FASTKD3: variants seen among roughly 807,000 people sequenced by gnomAD.
FASTKD3 encodes FAST kinase domain-containing protein 3, mitochondrial.
A neutral mutation model predicts 49.7 loss-of-function variants in FASTKD3; 47 were observed. The ratio of observed to expected loss-of-function variants is 0.95; its 90% CI spans 0.75 to 1.21. FASTKD3 has a LOEUF of 1.21. FASTKD3 is among the 50% of genes most tolerant of loss of function. The probability of loss-of-function intolerance (pLI) is 0.00; values close to 1 mark genes in which losing one functional copy is unlikely to be tolerated. For synonymous variants in FASTKD3, 284 were observed against 288.6 expected (o/e 0.98, Z 0.16); for missense variants, 748 against 765.7 (o/e 0.98, Z 0.27).
rs911763614 is a variant in FASTKD3, at chr5:7,862,982, G to A, written c.1540C>T (p.Pro514Ser). ...AGAAATGACTTCACTTGATATTTAG[G>A]AAGGAGTTTTGGACCCTAAAAAATC... ...CPFYKGPKLL[P>S]KYQVKSFLTP... Residue 514 changes from proline to serine, a missense_variant, in exon 4 of 7, where the codon CCT becomes TCT. By Grantham distance (74) the Pro-to-Ser change is moderately conservative. Around this residue, in one of 3 missense-constraint regions of FASTKD3, gnomAD observed 178 missense variants for 182.2 expected, o/e 0.98. Transcript: ENST00000264669. 1 of 1,613,714 alleles carries A rather than the reference G, an allele frequency of 6.2e-7. No individual in the cohort carries two copies. The highest frequency in any genetic ancestry group is 1.7e-5 in the Admixed American group (1 of 59,950).
At position 7,868,138 on chromosome 5, in the gene FASTKD3, A is replaced by G. The variant is rs1441675136; in HGVS notation, c.-55T>C. ...TTAAAAAATTTAAAAACACATGGTT[A>G]AATACATTGAGAACATGATTGACCC... On this transcript the variant is annotated 5_prime_UTR_variant, in exon 2 of 7. It removes the in-frame stop codon of an upstream open reading frame in the 5' UTR. Transcript: ENST00000264669. The G allele has an allele frequency of 1.8e-5, 21 of 1,184,054 alleles. No individual in the cohort carries two copies. Among genetic ancestry groups the G allele is most frequent in the Non-Finnish European group, 2.5e-5 (21 of 842,570 alleles). 73.3% of individuals were successfully genotyped at this position (1,184,054 alleles called of 1,614,324 possible).
chr5:7,859,616 G>A (rs7727993), intron 6 of FASTKD3, 77 bp from the exon 7 acceptor site: 1 of 914,510 alleles, frequency 1.1e-6, no homozygotes, highest in Admixed American at 2.5e-5. Flanking sequence ...TACTTTGTTT[G>A]TTTCTTACAC....
Position 7,867,324 on chromosome 5 carries a change from C to T in FASTKD3, c.760G>A (p.Glu254Lys), listed in dbSNP as rs140630948. The change falls in exon 2 of 7, where the codon GAG becomes AAG. Residue 254 changes from glutamate (E) to lysine (K), a missense_variant. By Grantham distance (56) the Glu-to-Lys change is moderately conservative. Coordinates refer to ENST00000264669, the MANE Select transcript of FASTKD3 (RefSeq NM_024091.4). ...QGEKLETFTP[E>K]DIVALYRILQ... Reference sequence around the variant, plus strand: ...ATTCTATAAAGGGCCACAATATCCTCCGGGGTAAATGTTTCCAATTTTTCA... The same window carrying T: ...ATTCTATAAAGGGCCACAATATCCTTCGGGGTAAATGTTTCCAATTTTTCA... The T allele has an allele frequency of 2.5e-6, 4 of 1,613,858 alleles. No homozygotes were observed. The African/African-American group carries it at 5.3e-5, about 22-fold the overall frequency.
chr5:7,866,715 G>T lies in FASTKD3; in HGVS notation c.1369C>A (p.Leu457Ile), dbSNP rs768189241. 6.2e-7 allele frequency: 1 copy of T among 1,612,844 alleles called. No homozygotes were observed. The highest frequency in any genetic ancestry group is 8.5e-7 in the Non-Finnish European group (1 of 1,179,622). ...AAGTTGACTGGATGGCATTCATTAA[G>T]TGAACATGAATGAAGAAGTTTCAAT... ...SLLKLLHSCS[L>I]NECHPVNFLA... Residue 457 changes from leucine to isoleucine, a missense_variant, in exon 2 of 7, where the codon CTT (leucine) becomes ATT (isoleucine). By Grantham distance (5) the Leu-to-Ile change is conservative (BLOSUM62 2). Coordinates refer to ENST00000264669, the MANE Select transcript of FASTKD3 (RefSeq NM_024091.4).
rs1166602548 is a variant in FASTKD3, at chr5:7,867,077, C to A, written c.1007G>T (p.Arg336Ile). The change falls in exon 2 of 7, where the codon AGA (arginine) becomes ATA (isoleucine). Residue 336 changes from arginine to isoleucine, a missense_variant. By Grantham distance (97) the Arg-to-Ile change is moderately conservative. Transcript: ENST00000264669. ...AAAATATATGAACGCCTCCAAGACT[C>A]TCCTAAGCTCCTCGTTAGTGAAATG... ...VPHFTNEELRRVLEAFIYFGH... is the reference protein window; with the variant it reads ...VPHFTNEELRIVLEAFIYFGH... 1 of 1,614,210 alleles carries A rather than the reference C, an allele frequency of 6.2e-7. No homozygotes were observed. Among genetic ancestry groups the A allele is most frequent in the South Asian group, 1.1e-5 (1 of 91,074 alleles).
At position 7,868,133 on chromosome 5, in the gene FASTKD3, T is replaced by G. The variant is rs374356086; in HGVS notation, c.-50A>C. 7 of 1,259,098 alleles carry G rather than the reference T, an allele frequency of 5.6e-6. No homozygotes were observed. The South Asian group carries it at 1.0e-4, about 18-fold the overall frequency. 78.0% of individuals were successfully genotyped at this position (1,259,098 alleles called of 1,614,324 possible). ...CTAAATTAAAAAATTTAAAAACACA[T>G]GGTTAAATACATTGAGAACATGATT... On this transcript the variant is annotated 5_prime_UTR_variant, in exon 2 of 7. An upstream start codon of the reference 5' UTR is lost. Coordinates refer to ENST00000264669, the MANE Select transcript of FASTKD3 (RefSeq NM_024091.4).
intron 1 of FASTKD3, 69 bp downstream of exon 1, chr5:7,868,910 G>T: frequency 1.6e-6 from 1 of 616,788 alleles, no homozygotes; most frequent in Non-Finnish European, 2.9e-6. Flanking sequence ...CGCAGCCTGA[G>T]GAGAAAGCCG....
In FASTKD3 at chr5:7,867,963, G is replaced by A. The variant is rs774620297; in HGVS notation, c.121C>T (p.Leu41=). The A allele has an allele frequency of 7.4e-6, 12 of 1,613,984 alleles. No homozygotes were observed. The Admixed American group carries it at 1.0e-4, about 13-fold the overall frequency. The change falls in exon 2 of 7, where the codon CTG becomes TTG. Residue 41 remains leucine (L), a synonymous_variant. Coordinates refer to ENST00000264669, the MANE Select transcript of FASTKD3 (RefSeq NM_024091.4). ...NHVHKVVKER[L]CPWLCSRQPE... ...TGTCGTGAACACAACCAAGGGCACA[G>A]ACGCTCCTTGACTACCTTGTGAACA...
chr5:7,863,193 A>T, intron 3 of FASTKD3, 196 bp from the exon 4 acceptor site: 1 of 571,024 alleles, frequency 1.8e-6, no homozygotes. Flanking sequence ...CTAATAGTTC[A>T]AAATGTCTTT....
chr5:7,860,590 G>A (rs1212078034), intron 6 of FASTKD3, among the ~76,000 whole-genome samples: 4 of 152,138 alleles, frequency 2.6e-5, no homozygotes, highest in Non-Finnish European at 4.4e-5. Flanking sequence ...GATTTAAGCC[G>A]AATTAACAAC....
intron 2 of FASTKD3, among the ~76,000 whole-genome samples, chr5:7,866,393 A>G (rs1375648548): frequency 6.6e-6 from 1 of 152,014 alleles, no homozygotes; most frequent in Non-Finnish European, 1.5e-5. Context: ...TGCCATTACC[A>G]TATCTCCTAA....
At chr5:7,866,224 G>A (rs898502678) in intron 2 of FASTKD3, among the ~76,000 whole-genome samples, 3 of 151,464 alleles carry the variant, frequency 2.0e-5, no homozygotes, top group Non-Finnish European at 1.5e-5. Context: ...TATGTTCACA[G>A]AATTAGTGGA....
intron 4 of FASTKD3, among the ~76,000 whole-genome samples, chr5:7,862,586 C>T (rs1214235788): frequency 6.6e-6 from 1 of 151,868 alleles, no homozygotes; most frequent in African/African-American, 2.4e-5. Context: ...AAGAAGCAAG[C>T]AGAAAAAGGT....
At chr5:7,866,302 T>C (rs1045300507) in intron 2 of FASTKD3, among the ~76,000 whole-genome samples, 2 of 121,576 alleles carry the variant, frequency 1.6e-5, no homozygotes, top group Admixed American at 9.7e-5. Flanking sequence ...AGATGAATAA[T>C]ACCATCCTCT....
In FASTKD3 at chr5:7,868,149, G is replaced by A. The variant is rs1579566875; in HGVS notation, c.-66C>T. Reference sequence around the variant, plus strand: ...AAAAACACATGGTTAAATACATTGAGAACATGATTGACCCAACATCAATGT... The same window carrying A: ...AAAAACACATGGTTAAATACATTGAAAACATGATTGACCCAACATCAATGT... On this transcript the variant is annotated 5_prime_UTR_variant, in exon 2 of 7. Coordinates refer to ENST00000264669, the MANE Select transcript of FASTKD3 (RefSeq NM_024091.4). The A allele has an allele frequency of 4.2e-6, 3 of 721,336 alleles. No homozygotes were observed. The highest frequency in any genetic ancestry group is 8.4e-5 in the East Asian group (2 of 23,738). 44.7% of individuals were successfully genotyped at this position (721,336 alleles called of 1,614,324 possible).
At position 7,859,273 on chromosome 5, in the gene FASTKD3, C is replaced by A; in HGVS notation, c.*162G>T. ...AATTAAAATTAATTTTAAATTTTACCACAATAAATGTATACATAGTATAAG... is the reference window on the plus strand; with the variant it reads ...AATTAAAATTAATTTTAAATTTTACAACAATAAATGTATACATAGTATAAG... On this transcript the variant is annotated 3_prime_UTR_variant, in exon 7 of 7. Transcript: ENST00000264669. The A allele has an allele frequency of 2.5e-6, 1 of 397,380 alleles. No homozygotes were observed. Among genetic ancestry groups the A allele is most frequent in the Non-Finnish European group, 4.5e-6 (1 of 224,090 alleles). The allele number at this position is 397,380 out of a possible 1,614,324, so 24.6% of individuals were successfully genotyped here. A position where few individuals can be genotyped will look rare whatever the true frequency, so the allele number is the denominator to read the frequency against.
At position 7,865,978 on chromosome 5, in the gene FASTKD3, C is replaced by G. The variant is rs1176348910; in HGVS notation, c.1444G>C (p.Glu482Gln). The stretch of plus-strand genomic sequence containing the variant: ...CGACTCAATGTGTCCAAATGAGATT[C>G]TTTACCTGAAACAGAAAGCATCCCA... ...PLFLQRLQGK[E>Q]SHLDTLSRAQ... is the part of the protein sequence containing the mutation. Residue 482 changes from glutamate (E) to glutamine (Q), a missense_variant, in exon 3 of 7, where the codon GAA becomes CAA. Physicochemically the swap from Glu to Gln is conservative, Grantham distance 29. This residue lies in a region of FASTKD3 where 564 missense variants were observed against 562.8 expected (regional missense o/e 1.00). Coordinates refer to ENST00000264669, the MANE Select transcript of FASTKD3 (RefSeq NM_024091.4). The G allele has an allele frequency of 4.3e-6, 7 of 1,613,608 alleles. No homozygotes were observed. The East Asian group carries it at 1.6e-4, about 36-fold the overall frequency.
At position 7,868,124 on chromosome 5, in the gene FASTKD3, A is replaced by T; in HGVS notation, c.-41T>A. 1 of 1,378,322 alleles carries T rather than the reference A, an allele frequency of 7.3e-7. No homozygotes were observed. Among genetic ancestry groups the T allele is most frequent in the South Asian group, 1.4e-5 (1 of 73,754 alleles). The allele number at this position is 1,378,322 out of a possible 1,614,324, so 85.4% of individuals were successfully genotyped here. On this transcript the variant is annotated 5_prime_UTR_variant, in exon 2 of 7. It removes the in-frame stop codon of an upstream open reading frame in the 5' UTR. Coordinates refer to ENST00000264669, the MANE Select transcript of FASTKD3 (RefSeq NM_024091.4). The stretch of plus-strand genomic sequence containing the variant: ...ATTTGATAACTAAATTAAAAAATTT[A>T]AAAACACATGGTTAAATACATTGAG...
Position 7,866,939 on chromosome 5 carries a change from A to G in FASTKD3, c.1145T>C (p.Leu382Pro), listed in dbSNP as rs1471112256. The G allele has an allele frequency of 1.2e-6, 2 of 1,614,114 alleles. No individual in the cohort carries two copies. The highest frequency in any genetic ancestry group is 1.7e-6 in the Non-Finnish European group (2 of 1,180,056). Residue 382 changes from leucine (L) to proline (P), a missense_variant, in exon 2 of 7, where the codon CTG (leucine) becomes CCG (proline). This residue lies in a region of FASTKD3 where 564 missense variants were observed against 562.8 expected (regional missense o/e 1.00). Coordinates refer to ENST00000264669, the MANE Select transcript of FASTKD3 (RefSeq NM_024091.4). ...CRVMEYCSRE[L>P]ILSKPILNAV... ...ATTGAGGATGGGTTTTGAAAGAATCAGTTCTCTACTGCAGTACTCCATGAC... is the reference window on the plus strand; with the variant it reads ...ATTGAGGATGGGTTTTGAAAGAATCGGTTCTCTACTGCAGTACTCCATGAC...
Sources: gnomAD v4.1 joint callset for allele counts (sites outside exome capture counted in the v4.1 genomes callset) on GRCh38, gnomAD v4.1.1 for gene constraint, gnomAD v4.1.1 regional missense constraint, MANE v1.5 for transcripts, NCBI Gene and HGNC (gene_info 2026-07-23, HGNC 2026-07-21) for gene names.